TIPARP: variants seen among roughly 807,000 people sequenced by gnomAD.
TIPARP encodes protein mono-ADP-ribosyltransferase TIPARP.
In TIPARP, 12 loss-of-function variants were observed where a neutral mutation model predicts 56.5. The ratio of observed to expected loss-of-function variants is 0.21; its 90% CI spans 0.14 to 0.34. TIPARP has a LOEUF of 0.34. TIPARP is among the 10% of genes least tolerant of loss of function. TIPARP has a pLI of 1.00. For synonymous variants in TIPARP, 296 were observed against 265.7 expected (o/e 1.11, Z -1.11); for missense variants, 604 against 781.6 (o/e 0.77, Z 2.71).
chr3:156,690,622 C>G (rs1359125638), intron 2 of TIPARP, among the ~76,000 whole-genome samples: 5 of 152,128 alleles, frequency 3.3e-5, no homozygotes, highest in Non-Finnish European at 2.9e-5. Flanking sequence ...TCATTCTTCC[C>G]TTAATAGCAA....
At chr3:156,683,770 G>T (rs987021842) in intron 2 of TIPARP, among the ~76,000 whole-genome samples, 1 of 152,072 alleles carries the variant, frequency 6.6e-6, no homozygotes, top group Non-Finnish European at 1.5e-5. Flanking sequence ...CTGGGTTTGG[G>T]TGCTATTCCT....
At chr3:156,681,287 G>A (rs181285438) in intron 2 of TIPARP, 1 of 440,322 alleles carries the variant, frequency 2.3e-6, no homozygotes, top group East Asian at 7.2e-5. Context: ...TAACCAGGAA[G>A]TGTGTGTTCA....
Position 156,706,156 on chromosome 3 carries a change from CCTTA to C in TIPARP, c.*1031_*1034del, listed in dbSNP as rs1296212880. 6.6e-6 allele frequency: 1 copy of C among 152,612 alleles called. No homozygotes were observed. Among genetic ancestry groups the C allele is most frequent in the Non-Finnish European group, 1.5e-5 (1 of 68,026 alleles). 9.5% of individuals were successfully genotyped at this position (152,612 alleles called of 1,614,324 possible). Reference sequence around the variant, plus strand: ...GCTGGGTTCCCTGGCTGACTCTGTACCTTACTTACACTACTTACTTAATAGAAAC... The same window carrying C: ...GCTGGGTTCCCTGGCTGACTCTGTACCTTACACTACTTACTTAATAGAAAC... On this transcript the variant is annotated 3_prime_UTR_variant, in exon 6 of 6. Transcript: ENST00000295924.
intron 4 of TIPARP, among the ~76,000 whole-genome samples, chr3:156,702,007 T>C (rs997548680): frequency 1.2e-4 from 17 of 136,336 alleles, no homozygotes; most frequent in African/African-American, 4.5e-4. Flanking sequence ...AGACTGTGTG[T>C]TGATGATAAT....
chr3:156,689,948 A>G (rs942512608), intron 2 of TIPARP, among the ~76,000 whole-genome samples: 2 of 152,110 alleles, frequency 1.3e-5, no homozygotes, highest in Admixed American at 1.3e-4. Context: ...GCCACACTTC[A>G]CACTATGCTG....
chr3:156,697,415 A>G (rs1306829437), intron 4 of TIPARP, among the ~76,000 whole-genome samples: 1 of 104,422 alleles, frequency 9.6e-6, no homozygotes, highest in Non-Finnish European at 1.8e-5. Context: ...ATTATGGAAT[A>G]TGCCCTCTTT....
intron 2 of TIPARP, among the ~76,000 whole-genome samples, chr3:156,681,997 G>A (rs993755606): frequency 6.6e-6 from 1 of 152,144 alleles, no homozygotes; most frequent in Non-Finnish European, 1.5e-5. Context: ...GACATTGGAT[G>A]GCAGAATTAA....
intron 2 of TIPARP, among the ~76,000 whole-genome samples, chr3:156,685,729 A>G (rs1722413580): frequency 6.6e-6 from 1 of 152,226 alleles, no homozygotes; most frequent in South Asian, 2.1e-4. Context: ...TCCCACTTAT[A>G]CGACATAGCC....
At position 156,678,459 on chromosome 3, in the gene TIPARP, C is replaced by T; in HGVS notation, c.762C>T (p.Gly254=). Residue 254 remains glycine, a synonymous_variant, in exon 2 of 6, where the codon GGC becomes GGT. Coordinates refer to ENST00000295924, the MANE Select transcript of TIPARP (RefSeq NM_015508.5). Reference sequence around the variant, plus strand: ...TTCTGCAAGGCACTTGTATTTATGGCAGGGATTGTTTGAAGCACCACACTG... The same window carrying T: ...TTCTGCAAGGCACTTGTATTTATGGTAGGGATTGTTTGAAGCACCACACTG... The part of the protein sequence containing the change: ...MDFLQGTCIY[G]RDCLKHHTVL... 1.9e-6 allele frequency: 3 copies of T among 1,614,136 alleles called. No homozygotes were observed. The highest frequency in any genetic ancestry group is 2.5e-6 in the Non-Finnish European group (3 of 1,180,022).
rs1445609160 is a variant in TIPARP at position 156,698,600 on chromosome 3, A to G, written c.1247+2575A>G. Among the ~76,000 whole-genome samples the G allele has an allele frequency of 2.0e-5, 3 of 152,308 alleles. No homozygotes were observed. In the South Asian group the frequency reaches 6.2e-4, roughly 32 times the overall value. On this transcript the variant is annotated intron_variant, in intron 4 of 5. Coordinates refer to ENST00000295924, the MANE Select transcript of TIPARP (RefSeq NM_015508.5). ...TTAAGCCCACTATTGAGACCTGCTC[A>G]AGAAAAAAAGACTTATTTCAAACTA...
chr3:156,697,273 A>AC (rs2108495951), intron 4 of TIPARP, among the ~76,000 whole-genome samples: 2 of 152,280 alleles, frequency 1.3e-5, no homozygotes, highest in South Asian at 4.1e-4. Context: ...CATTAGTGAG[A>AC]CCAGCAGCTT....
chr3:156,698,236 A>G (rs1339542509), intron 4 of TIPARP, among the ~76,000 whole-genome samples: 1 of 152,228 alleles, frequency 6.6e-6, no homozygotes, highest in Non-Finnish European at 1.5e-5. Flanking sequence ...TAGAAGTGCA[A>G]GGTGAAGCAG....
chr3:156,680,391 C>T (rs772919700), intron 2 of TIPARP, among the ~76,000 whole-genome samples: 3 of 152,040 alleles, frequency 2.0e-5, no homozygotes, highest in Non-Finnish European at 2.9e-5. Flanking sequence ...CTCTGTTGCC[C>T]ATGAGCTAGC....
chr3:156,703,411 C>T lies in TIPARP; in HGVS notation c.1248-13C>T. On this transcript the variant is annotated splice_polypyrimidine_tract_variant and intron_variant, in intron 4 of 5. Transcript: ENST00000295924. ...TAATGTTTTACATTGATGTTTCTTC[C>T]TCTCCATTTTAGGACACTTGGTGGG... 3 of 1,611,842 alleles carry T rather than the reference C, an allele frequency of 1.9e-6. No homozygotes were observed. In the South Asian group the frequency reaches 3.3e-5, roughly 18 times the overall value.
chr3:156,697,699 A>C (rs1365150474), intron 4 of TIPARP, among the ~76,000 whole-genome samples: 1 of 152,086 alleles, frequency 6.6e-6, no homozygotes, highest in Non-Finnish European at 1.5e-5. Context: ...TATTCTTCGG[A>C]TATTTCAGGT....
Position 156,677,808 on chromosome 3 carries a change from G to C in TIPARP, c.111G>C (p.Lys37Asn). The C allele has an allele frequency of 3.1e-6, 5 of 1,614,112 alleles. No homozygotes were observed. Among genetic ancestry groups the C allele is most frequent in the Non-Finnish European group, 4.2e-6 (5 of 1,180,036 alleles). The change falls in exon 2 of 6, where the codon AAG (lysine) becomes AAC (asparagine). Residue 37 changes from lysine to asparagine, a missense_variant. By Grantham distance (94) the Lys-to-Asn change is moderately conservative. Around this residue, in one of 4 missense-constraint regions of TIPARP, gnomAD observed 261 missense variants for 279.2 expected, o/e 0.93. Coordinates refer to ENST00000295924, the MANE Select transcript of TIPARP (RefSeq NM_015508.5). ...MRLSEKITPLKTCFKKKDQKR... is the reference protein window; with the variant it reads ...MRLSEKITPLNTCFKKKDQKR... The stretch of plus-strand genomic sequence containing the variant: ...TCTCTGAGAAGATCACTCCATTGAA[G>C]ACTTGTTTTAAGAAAAAGGATCAGA...
rs1327882892 is a variant in TIPARP, at chr3:156,696,017, A to G, written c.1239A>G (p.Pro413=). Residue 413 remains proline, a synonymous_variant, in exon 4 of 6, where the codon CCA becomes CCG. Transcript: ENST00000295924. ...TCCGCTCCTGTTTTATACTGCTTCC[A>G]TATTTACAGTAAGTGTCGAGTATGA... is the stretch of plus-strand genomic sequence containing the variant. The part of the protein sequence containing the change: ...PLFRSCFILL[P]YLQTLGGVPT... 1.2e-6 allele frequency: 2 copies of G among 1,606,642 alleles called. No individual in the cohort carries two copies. Among genetic ancestry groups the G allele is most frequent in the Admixed American group, 1.7e-5 (1 of 58,010 alleles).
At chr3:156,694,563 G>A (rs1261180639) in intron 3 of TIPARP, among the ~76,000 whole-genome samples, 1 of 152,204 alleles carries the variant, frequency 6.6e-6, no homozygotes, top group Non-Finnish European at 1.5e-5. Flanking sequence ...ATTGGATCAA[G>A]TGTTACACTT....
chr3:156,680,582 T>A (rs752240554), intron 2 of TIPARP, among the ~76,000 whole-genome samples: 2 of 152,188 alleles, frequency 1.3e-5, no homozygotes, highest in Non-Finnish European at 2.9e-5. Flanking sequence ...TCTGTTTGAA[T>A]TGATCAGGAA....
Sources: gnomAD v4.1 joint callset for allele counts (sites outside exome capture counted in the v4.1 genomes callset) on GRCh38, gnomAD v4.1.1 for gene constraint, gnomAD v4.1.1 regional missense constraint, MANE v1.5 for transcripts, NCBI Gene and HGNC (gene_info 2026-07-23, HGNC 2026-07-21) for gene names.